ROCK2: variants seen among roughly 807,000 people sequenced by gnomAD.
ROCK2 encodes rho-associated protein kinase 2.
In ROCK2, 61 loss-of-function variants were observed where a neutral mutation model predicts 195.1. That is an observed-to-expected ratio of 0.31 (90% CI 0.25 to 0.39). The LOEUF (loss-of-function observed/expected upper bound fraction) is 0.39, where lower values mean the gene tolerates loss of function less well. Ranked by LOEUF, ROCK2 falls within the 10% of genes least tolerant of loss-of-function variation. The pLI, the probability that ROCK2 is intolerant of heterozygous loss-of-function variation, is 1.00. For synonymous variants in ROCK2, 504 were observed against 545.5 expected (o/e 0.92, Z 1.06); for missense variants, 1,109 against 1,637.4 (o/e 0.68, Z 5.57).
intron 3 of ROCK2, among the ~76,000 whole-genome samples, chr2:11,285,463 A>G (rs1667155738): frequency 6.6e-6 from 1 of 152,080 alleles, no homozygotes; most frequent in Non-Finnish European, 1.5e-5. Flanking sequence ...AGACTTCTTC[A>G]GAAGAATAAT....
In ROCK2 at chr2:11,325,172, C is replaced by T. The variant is rs919581556; in HGVS notation, c.141+18824G>A. Among the ~76,000 whole-genome samples the T allele has an allele frequency of 2.0e-5, 3 of 152,036 alleles. No individual in the cohort carries two copies. In the South Asian group the frequency reaches 6.2e-4, roughly 31 times the overall value. ...GTCTGTTTATAAGTAGATTTTTTTT[C>T]CAATAAGTACAGTCAGTTCTCCTTA... On this transcript the variant is annotated intron_variant, in intron 1 of 32. Coordinates refer to ENST00000315872, the MANE Select transcript of ROCK2 (RefSeq NM_004850.5).
At chr2:11,326,993 G>T (rs1306898143) in intron 1 of ROCK2, among the ~76,000 whole-genome samples, 1 of 152,114 alleles carries the variant, frequency 6.6e-6, no homozygotes, top group Non-Finnish European at 1.5e-5. Flanking sequence ...GAGAATAAAA[G>T]AATTGCAATG....
At chr2:11,248,708 C>CAAAAAAAAAAAAAAAATAAAAAAAA (rs1665714288) in intron 4 of ROCK2, among the ~76,000 whole-genome samples, 1 of 45,412 alleles carries the variant, frequency 2.2e-5, no homozygotes, top group African/African-American at 1.4e-4. Context: ...GACTTCATCT[C>CAAAAAAAAAAAAAAAATAAAAAAAA]AAAAAAAAAA....
chr2:11,275,118 G>A (rs187898858), intron 3 of ROCK2, among the ~76,000 whole-genome samples: 8 of 152,136 alleles, frequency 5.3e-5, no homozygotes, highest in African/African-American at 1.4e-4. Context: ...TTAGCCAGGC[G>A]TGGCGGCAGG....
intron 9 of ROCK2, 148 bp from the exon 10 acceptor site, chr2:11,219,174 C>T (rs17463952): frequency 0.09 from 39,080 of 435,806 alleles, 2,485 homozygotes; most frequent in Middle Eastern, 0.18. Flanking sequence ...CAATATTTTT[C>T]CCTCAAGACA....
At chr2:11,282,934 C>T (rs1400346610) in intron 3 of ROCK2, among the ~76,000 whole-genome samples, 3 of 151,988 alleles carry the variant, frequency 2.0e-5, no homozygotes, top group Admixed American at 6.6e-5. Flanking sequence ...ACAACCCAAT[C>T]AAAAAATGGG....
chr2:11,332,243 TA>T (rs1294184568), intron 1 of ROCK2, among the ~76,000 whole-genome samples: 10 of 152,098 alleles, frequency 6.6e-5, no homozygotes, highest in Non-Finnish European at 1.3e-4. Context: ...AACAAGGTTT[TA>T]AAAAAATGCT....
intron 3 of ROCK2, among the ~76,000 whole-genome samples, chr2:11,257,722 T>C (rs1027915052): frequency 1.1e-4 from 16 of 151,358 alleles, no homozygotes; most frequent in Admixed American, 9.2e-4. Context: ...AAGCTGTCCT[T>C]AAAGCTCAGC....
Position 11,180,941 on chromosome 2 carries a change from T to C in ROCK2, c.*2496A>G, listed in dbSNP as rs972763867. 6.6e-6 allele frequency: 1 copy of C among 152,080 alleles called. No homozygotes were observed. The allele number at this position is 152,080 out of a possible 1,614,324, so 9.4% of individuals were successfully genotyped here. The stretch of plus-strand genomic sequence containing the variant: ...GGACAAACAACCTTATAAACCCTTA[T>C]GTCAAACCATATAATGTGAAGAATC... On this transcript the variant is annotated 3_prime_UTR_variant, in exon 33 of 33. Coordinates refer to ENST00000315872, the MANE Select transcript of ROCK2 (RefSeq NM_004850.5).
intron 1 of ROCK2, among the ~76,000 whole-genome samples, chr2:11,292,444 A>C (rs940184973): frequency 1.3e-5 from 2 of 152,240 alleles, no homozygotes; most frequent in African/African-American, 2.4e-5. Flanking sequence ...TAAAAGGTTA[A>C]AAAATGTGTC....
intron 20 of ROCK2, among the ~76,000 whole-genome samples, chr2:11,202,606 G>T (rs1051521417): frequency 6.6e-6 from 1 of 151,686 alleles, no homozygotes; most frequent in Non-Finnish European, 1.5e-5. Flanking sequence ...CACGCCATTC[G>T]CCTGCCTCAG....
At chr2:11,184,798 T>G in intron 32 of ROCK2, 1 of 969,074 alleles carries the variant, frequency 1.0e-6, no homozygotes, top group Middle Eastern at 5.3e-4. Context: ...AAATTTATAC[T>G]CTAACACTCT....
Position 11,235,660 on chromosome 2 carries a change from G to T in ROCK2, c.723+42C>A. 1 of 1,546,812 alleles carries T rather than the reference G, an allele frequency of 6.5e-7. No individual in the cohort carries two copies. Among genetic ancestry groups the T allele is most frequent in the Non-Finnish European group, 8.7e-7 (1 of 1,146,456 alleles). Reference sequence around the variant, plus strand: ...GACTTAAAGTATTTCATTTATTTCTGTCCCTCAAAACACTATCGTTTTAAA... The same window carrying T: ...GACTTAAAGTATTTCATTTATTTCTTTCCCTCAAAACACTATCGTTTTAAA... On this transcript the variant is annotated intron_variant, in intron 5 of 32. Transcript: ENST00000315872. This position sits in a 1 kb window ranked among gnomAD's most constrained non-coding sequence, Gnocchi z 4.2.
chr2:11,205,828 G>T (rs747319276), intron 20 of ROCK2, among the ~76,000 whole-genome samples: 2 of 152,196 alleles, frequency 1.3e-5, no homozygotes, highest in Non-Finnish European at 1.5e-5. Context: ...AGGATTGGGG[G>T]CCGGGCACAG....
intron 1 of ROCK2, among the ~76,000 whole-genome samples, chr2:11,318,057 G>A (rs1161160256): frequency 6.6e-6 from 1 of 152,074 alleles, no homozygotes; most frequent in African/African-American, 2.4e-5. Flanking sequence ...ATTGTGAATA[G>A]TGCCGCAATA....
intron 3 of ROCK2, among the ~76,000 whole-genome samples, chr2:11,253,758 C>A (rs956889416): frequency 6.6e-6 from 1 of 152,190 alleles, no homozygotes; most frequent in African/African-American, 2.4e-5. Context: ...AGTGGCCACA[C>A]CATCAATTTC....
intron 20 of ROCK2, among the ~76,000 whole-genome samples, chr2:11,206,212 C>A (rs1329454155): frequency 6.6e-6 from 1 of 151,902 alleles, no homozygotes; most frequent in African/African-American, 2.4e-5. Flanking sequence ...TATTAGGTGG[C>A]TAAGATAGAA....
intron 3 of ROCK2, among the ~76,000 whole-genome samples, chr2:11,283,272 A>T (rs1446663112): frequency 6.6e-6 from 1 of 150,392 alleles, no homozygotes; most frequent in Non-Finnish European, 1.5e-5. Context: ...CAAAAAAAAA[A>T]AAAAGAGGCT....
intron 4 of ROCK2, among the ~76,000 whole-genome samples, chr2:11,248,481 G>C (rs1219676406): frequency 6.6e-6 from 1 of 151,910 alleles, no homozygotes; most frequent in Non-Finnish European, 1.5e-5. Context: ...GCTAAGGCAG[G>C]CACATCACTT....
Sources: allele counts gnomAD v4.1 joint callset (sites outside exome capture counted in the v4.1 genomes callset), GRCh38; gene constraint gnomAD v4.1.1; non-coding constraint Gnocchi (gnomAD v3.1); transcripts MANE v1.5; gene names NCBI Gene and HGNC (gene_info 2026-07-23, HGNC 2026-07-21).